Variants in CAPN2 observed in about 807,000 individuals in gnomAD.
The protein encoded by CAPN2 is calpain 2.
CAPN2 carries 92 observed loss-of-function variants against 102.3 expected under a neutral mutation model. That is an observed-to-expected ratio of 0.90 (90% CI 0.76 to 1.07). The LOEUF is 1.07. CAPN2 is among the 50% of genes least tolerant of loss of function. The probability of loss-of-function intolerance (pLI) is 0.00; values close to 1 mark genes in which losing one functional copy is unlikely to be tolerated. For missense variants in CAPN2, 800 were observed against 909.4 expected, an observed-to-expected ratio of 0.88 and a Z score of 1.55; for synonymous variants, 340 against 355.4, an observed-to-expected ratio of 0.96 and a Z score of 0.49.
At chr1:223,718,908 G>GT (rs1288726507) in intron 2 of CAPN2, among the ~76,000 whole-genome samples, 1 of 152,200 alleles carries the variant, frequency 6.6e-6, no homozygotes, top group Non-Finnish European at 1.5e-5. Context: ...CCCAGGGTAT[G>GT]TTTAATTCCT....
intron 9 of CAPN2, among the ~76,000 whole-genome samples, chr1:223,753,993 A>G (rs1660969474): frequency 6.6e-6 from 1 of 152,210 alleles, no homozygotes; most frequent in Non-Finnish European, 1.5e-5. Flanking sequence ...AACCTTCCCA[A>G]CAAACTTCTG....
intron 14 of CAPN2, 21 bp from the exon 15 acceptor site, chr1:223,764,129 G>A: frequency 6.2e-7 from 1 of 1,609,184 alleles, no homozygotes; most frequent in Non-Finnish European, 8.5e-7. Flanking sequence ...CAATAACTAT[G>A]CTCTGGTTAT....
chr1:223,774,969 T>G lies in CAPN2; in HGVS notation c.*112T>G. Reference sequence around the variant, plus strand: ...CCTCAAAATTATGGGAACATTTACTTAAACGGATGATCATAGCTGAAAATA... The same window carrying G: ...CCTCAAAATTATGGGAACATTTACTGAAACGGATGATCATAGCTGAAAATA... On this transcript the variant is annotated 3_prime_UTR_variant, in exon 21 of 21. Transcript: ENST00000295006. 1.2e-6 allele frequency: 1 copy of G among 868,844 alleles called. No homozygotes were observed. The highest frequency in any genetic ancestry group is 1.9e-6 in the Non-Finnish European group (1 of 526,760). The allele number at this position is 868,844 out of a possible 1,614,324, so 53.8% of individuals were successfully genotyped here.
rs1350800322 is a variant in CAPN2, at chr1:223,737,709, G to GA, written c.308-6391_308-6390insA. On this transcript the variant is annotated intron_variant, in intron 2 of 20. Transcript: ENST00000295006. ...AGGCCTGACCAAAAGAGACGGGGCGGGGGGTGGGGGGGAGAGAATACAATA... is the reference window on the plus strand; with the variant it reads ...AGGCCTGACCAAAAGAGACGGGGCGGAGGGGTGGGGGGGAGAGAATACAATA... Among the ~76,000 whole-genome samples the GA allele has an allele frequency of 6.5e-5, 2 of 30,568 alleles. 1 individual carries two copies. Among genetic ancestry groups the GA allele is most frequent in the Non-Finnish European group, 2.0e-4 (2 of 10,122 alleles). 20.1% of individuals were successfully genotyped at this position (30,568 alleles called of 152,430 possible).
intron 17 of CAPN2, 183 bp from the exon 18 acceptor site, chr1:223,770,264 C>T (rs1661438637): frequency 1.7e-6 from 1 of 602,662 alleles, no homozygotes; most frequent in Non-Finnish European, 3.0e-6. Context: ...TATTTACAAA[C>T]CAGCTCACAG....
At chr1:223,717,876 G>A in intron 2 of CAPN2, 45 bp downstream of exon 2, 1 of 1,462,870 alleles carries the variant, frequency 6.8e-7, no homozygotes, top group African/African-American at 1.4e-5. Context: ...TGTCTGTAAG[G>A]CTGTGGGTGG....
rs1329633255 is a variant in CAPN2 at position 223,759,748 on chromosome 1, C to T, written c.1529+267C>T. 1.3e-5 allele frequency among the ~76,000 whole-genome samples: 2 copies of T among 152,196 alleles called. No homozygotes were observed. The highest frequency in any genetic ancestry group is 2.9e-5 in the Non-Finnish European group (2 of 68,036). ...GAATTGCAGGGTCTAATTTCATAAG[C>T]GTGTCTCTGAATTCTCAAGTTGGTA... On this transcript the variant is annotated intron_variant, in intron 12 of 20. Transcript: ENST00000295006. This position sits in a 1 kb window ranked among gnomAD's most constrained non-coding sequence, Gnocchi z 4.6.
At chr1:223,747,201 C>T (rs750855294) in intron 5 of CAPN2, 36 bp downstream of exon 5, 2 of 1,559,134 alleles carry the variant, frequency 1.3e-6, no homozygotes, top group South Asian at 2.4e-5. Context: ...CTCACCCCAT[C>T]TGCTCTTGCT....
chr1:223,719,903 A>C (rs1327235884), intron 2 of CAPN2, among the ~76,000 whole-genome samples: 1 of 152,204 alleles, frequency 6.6e-6, no homozygotes, highest in East Asian at 1.9e-4. Flanking sequence ...GACTCTAGTT[A>C]GATCACAATC....
intron 20 of CAPN2, chr1:223,773,218 C>G (rs1452879997): frequency 1.3e-5 from 2 of 152,156 alleles, no homozygotes. Context: ...TAGGAAATAT[C>G]TCTACCCCTA....
intron 1 of CAPN2, among the ~76,000 whole-genome samples, chr1:223,717,461 G>T (rs1290389983): frequency 1.3e-5 from 2 of 152,168 alleles, no homozygotes; most frequent in South Asian, 2.1e-4. Flanking sequence ...GGCAGAAAAG[G>T]CTGGACTTGC....
Position 223,769,842 on chromosome 1 carries a change from C to A in CAPN2, c.1757C>A (p.Ser586Ter), listed in dbSNP as rs533912773. The A allele has an allele frequency of 2.5e-6, 4 of 1,607,598 alleles. No individual in the cohort carries two copies. Among genetic ancestry groups the A allele is most frequent in the African/African-American group, 1.3e-5 (1 of 74,824 alleles). ...TCKIMVDMLD[S>*]DGSGKLGLKE... is the part of the protein sequence containing the mutation. The stretch of plus-strand genomic sequence containing the variant: ...AGGGCTTTCCTTGACTGAAGGCAGT[C>A]GGACGGGAGTGGCAAGCTGGGGCTG... Residue 586 changes from serine to a stop codon, truncating the protein, a stop_gained and splice_region_variant, in exon 17 of 21, where the codon TCG becomes TAG. Coordinates refer to ENST00000295006, the MANE Select transcript of CAPN2 (RefSeq NM_001748.5). LOFTEE classifies it high-confidence loss of function.
At chr1:223,763,675 A>G (rs894746674) in intron 14 of CAPN2, among the ~76,000 whole-genome samples, 4 of 152,180 alleles carry the variant, frequency 2.6e-5, no homozygotes, top group Non-Finnish European at 4.4e-5. Flanking sequence ...GGTATAAGAG[A>G]ATTAAGAAAG....
chr1:223,770,371 C>T, intron 17 of CAPN2, 76 bp from the exon 18 acceptor site: 2 of 947,468 alleles, frequency 2.1e-6, no homozygotes, highest in East Asian at 2.4e-5. Context: ...TTCATCCCCA[C>T]TCAGCACATA....
At chr1:223,769,625 C>T (rs1016995693) in intron 16 of CAPN2, among the ~76,000 whole-genome samples, 1 of 152,168 alleles carries the variant, frequency 6.6e-6, no homozygotes, top group Non-Finnish European at 1.5e-5. Context: ...ATCAAAACAG[C>T]AACCAGATTC....
upstream of CAPN2, chr1:223,712,225 C>G (rs1457475169): frequency 1.3e-5 from 2 of 153,968 alleles, no homozygotes; most frequent in Non-Finnish European, 2.9e-5. Context: ...GCTAACTCCC[C>G]GGGTGTTTTC....
rs28370096 is a variant in CAPN2, at chr1:223,755,813, G to A, written c.1305+164G>A. ...CTGGCCAGGCTCAGGAGTAGCCCCC[G>A]TAGGGAGGCCCCTGCAGTGGCTCTG... is the stretch of plus-strand genomic sequence containing the variant. On this transcript the variant is annotated intron_variant, in intron 10 of 20. Coordinates refer to ENST00000295006, the MANE Select transcript of CAPN2 (RefSeq NM_001748.5). This position sits in a 1 kb window ranked among gnomAD's most constrained non-coding sequence, Gnocchi z 4.1. Among the ~76,000 whole-genome samples the A allele has an allele frequency of 3.8e-3, 576 of 152,306 alleles. 11 individuals carry two copies. The highest frequency in any genetic ancestry group is 0.026 in the Admixed American group (400 of 15,308).
chr1:223,735,084 C>T (rs577536645), intron 2 of CAPN2, among the ~76,000 whole-genome samples: 9 of 152,288 alleles, frequency 5.9e-5, no homozygotes, highest in South Asian at 2.1e-4. Context: ...CATGGAACCC[C>T]GGTTTCCCTT....
intron 3 of CAPN2, among the ~76,000 whole-genome samples, chr1:223,744,541 T>C (rs77992974): frequency 0.028 from 4,252 of 152,186 alleles, 204 homozygotes; most frequent in African/African-American, 0.097. Context: ...TTCTCCTCCT[T>C]TTATGCCGGT....
Sources: gnomAD v4.1 joint callset for allele counts (sites outside exome capture counted in the v4.1 genomes callset) on GRCh38, gnomAD v4.1.1 for gene constraint, Gnocchi (gnomAD v3.1) non-coding constraint, MANE v1.5 for transcripts, NCBI Gene and HGNC (gene_info 2026-07-23, HGNC 2026-07-21) for gene names.